Variants in FHOD1 observed in about 807,000 individuals in gnomAD.
FHOD1 encodes formin homology 2 domain containing 1, also known as FH1/FH2 domain-containing protein 1.
A neutral mutation model predicts 111.6 loss-of-function variants in FHOD1; 89 were observed. The ratio of observed to expected loss-of-function variants is 0.80; its 90% CI spans 0.67 to 0.95. FHOD1 has a LOEUF of 0.95. FHOD1 is among the 40% of genes least tolerant of loss of function. FHOD1 has a pLI of 0.00. For synonymous variants in FHOD1, 618 were observed against 639.0 expected (o/e 0.97, Z 0.50); for missense variants, 1,446 against 1,554.2 (o/e 0.93, Z 1.17).
Position 67,229,462 on chromosome 16 carries a change from GCACACACACACATACACACA to G in FHOD1, c.*154_*173del. On this transcript the variant is annotated 3_prime_UTR_variant, in exon 22 of 22. Coordinates refer to ENST00000258201, the MANE Select transcript of FHOD1 (RefSeq NM_013241.3). The stretch of plus-strand genomic sequence containing the variant: ...CACACACATGCACATGCATATGCAT[GCACACACACACATACACACA>G]CACTCACATGCATACACACACGGCT... The G allele has an allele frequency of 1.6e-6, 1 of 635,894 alleles. No individual in the cohort carries two copies. The highest frequency in any genetic ancestry group is 2.8e-6 in the Non-Finnish European group (1 of 352,766). The allele number at this position is 635,894 out of a possible 1,614,324, so 39.4% of individuals were successfully genotyped here. A position where few individuals can be genotyped will look rare whatever the true frequency, so the allele number is the denominator to read the frequency against.
intron 13 of FHOD1, 33 bp from the exon 14 acceptor site, chr16:67,232,227 G>C: frequency 6.2e-7 from 1 of 1,611,048 alleles, no homozygotes; most frequent in Non-Finnish European, 8.5e-7. Context: ...GTGTAAGACT[G>C]AGGAAGGGGG....
At position 67,230,328 on chromosome 16, in the gene FHOD1, G is replaced by A. The variant is rs1206941866; in HGVS notation, c.3037C>T (p.Arg1013Cys). Residue 1013 changes from arginine to cysteine, a missense_variant, in exon 19 of 22, where the codon CGC (arginine) becomes TGC (cysteine). Physicochemically the swap from Arg to Cys is radical, Grantham distance 180 (BLOSUM62 -3). This residue lies in a region of FHOD1 where 1,085 missense variants were observed against 1,108.8 expected (regional missense o/e 0.98). Coordinates refer to ENST00000258201, the MANE Select transcript of FHOD1 (RefSeq NM_013241.3). ...TYRERNKTRG[R>C]MITETEKFSG... ...AGGGCACCCACCTCGGTGATCATGCGTCCCCGGGTCTTGTTGCGCTCACGG... is the reference window on the plus strand; with the variant it reads ...AGGGCACCCACCTCGGTGATCATGCATCCCCGGGTCTTGTTGCGCTCACGG... 10 of 1,614,114 alleles carry A rather than the reference G, an allele frequency of 6.2e-6. No individual in the cohort carries two copies. The highest frequency in any genetic ancestry group is 2.2e-5 in the East Asian group (1 of 44,904).
chr16:67,244,024 G>T (rs2034740420), intron 1 of FHOD1, among the ~76,000 whole-genome samples: 1 of 152,196 alleles, frequency 6.6e-6, no homozygotes, highest in Non-Finnish European at 1.5e-5. Flanking sequence ...GCTAGAGTGG[G>T]TTGGGGTAGG....
At position 67,238,369 on chromosome 16, in the gene FHOD1, C is replaced by G. The variant is rs776717352; in HGVS notation, c.441+11G>C. ...CTACACACTTACCCCCAGCCCACTG[C>G]GGGGCCTCACCTGGAAGATCTGCTT... On this transcript the variant is annotated intron_variant, in intron 4 of 21. Transcript: ENST00000258201. The surrounding 1 kb of genome is among the most constrained non-coding windows in gnomAD (Gnocchi z 4.2). The G allele has an allele frequency of 1.9e-6, 3 of 1,613,918 alleles. No homozygotes were observed. The highest frequency in any genetic ancestry group is 2.5e-6 in the Non-Finnish European group (3 of 1,179,974).
In FHOD1 at chr16:67,237,068, G is replaced by T; in HGVS notation, c.1040C>A (p.Ala347Asp). The T allele has an allele frequency of 6.2e-7, 1 of 1,613,212 alleles. No individual in the cohort carries two copies. The highest frequency in any genetic ancestry group is 8.5e-7 in the Non-Finnish European group (1 of 1,179,736). The change falls in exon 10 of 22, where the codon GCT becomes GAT. Residue 347 changes from alanine (A) to aspartate (D), a missense_variant. Physicochemically the swap from Ala to Asp is moderately radical, Grantham distance 126. Transcript: ENST00000258201. The surrounding 1 kb of genome is among the most constrained non-coding windows in gnomAD (Gnocchi z 5.6). ...CTTTCGTCGTTCCCGCCGCCCACCA[G>T]CGCCTGGGGCTTCTTCGATGTCTCC... ...EDGDIEEAPG[A>D]GGRRERRKPS...
chr16:67,237,534 C>G lies in FHOD1; in HGVS notation c.790G>C (p.Glu264Gln). Residue 264 changes from glutamate (E) to glutamine (Q), a missense_variant, in exon 8 of 22, where the codon GAG (glutamate) becomes CAG (glutamine). Physicochemically the swap from Glu to Gln is conservative, Grantham distance 29. Around this residue, in one of 3 missense-constraint regions of FHOD1, gnomAD observed 234 missense variants for 327.4 expected, o/e 0.71. Coordinates refer to ENST00000258201, the MANE Select transcript of FHOD1 (RefSeq NM_013241.3). This position sits in a 1 kb window ranked among gnomAD's most constrained non-coding sequence, Gnocchi z 5.6. ...PPWANLVSIL[E>Q]EKNGADPELL... ...TCAGGGTCAGCGCCATTCTTCTCCT[C>G]CAGGATGGACACCAGATTGGCCCAG... 1 of 1,614,146 alleles carries G rather than the reference C, an allele frequency of 6.2e-7. No homozygotes were observed. Among genetic ancestry groups the G allele is most frequent in the East Asian group, 2.2e-5 (1 of 44,870 alleles).
chr16:67,237,603 A>G lies in FHOD1; in HGVS notation c.755-34T>C, dbSNP rs779550310. 6 of 1,612,884 alleles carry G rather than the reference A, an allele frequency of 3.7e-6. No individual in the cohort carries two copies. In the East Asian group the frequency reaches 1.3e-4, roughly 36 times the overall value. The stretch of plus-strand genomic sequence containing the variant: ...CAGAAAGTGGAGCAGTCATGGGGGA[A>G]CAGGTAGGAGAGAGGGCTCTGAGCG... On this transcript the variant is annotated intron_variant, in intron 7 of 21. Coordinates refer to ENST00000258201, the MANE Select transcript of FHOD1 (RefSeq NM_013241.3). The surrounding 1 kb of genome is among the most constrained non-coding windows in gnomAD (Gnocchi z 5.6).
Position 67,234,144 on chromosome 16 carries a change from A to T in FHOD1, c.1559T>A (p.Ile520Lys). The T allele has an allele frequency of 6.4e-7, 1 of 1,565,804 alleles. No individual in the cohort carries two copies. Among genetic ancestry groups the T allele is most frequent in the Non-Finnish European group, 8.7e-7 (1 of 1,153,378 alleles). ...SLAPEPKEPL[I>K]PASPKAEPIW... Reference sequence around the variant, plus strand: ...GGGCTCAGCCTTGGGGCTTGCTGGTATCAGTGGCTCCTTGGGCTCTGGTGC... The same window carrying T: ...GGGCTCAGCCTTGGGGCTTGCTGGTTTCAGTGGCTCCTTGGGCTCTGGTGC... The change falls in exon 13 of 22, where the codon ATA becomes AAA. Residue 520 changes from isoleucine to lysine, a missense_variant. Transcript: ENST00000258201.
Position 67,238,774 on chromosome 16 carries a change from A to G in FHOD1, c.373+129T>C. ...CACCATGGCCCTGGAAGAAGAGGTC[A>G]GGATAGGGAGAGGAAGGAGCACATA... On this transcript the variant is annotated intron_variant, in intron 3 of 21. Coordinates refer to ENST00000258201, the MANE Select transcript of FHOD1 (RefSeq NM_013241.3). The surrounding 1 kb of genome is among the most constrained non-coding windows in gnomAD (Gnocchi z 4.2). 2.3e-6 allele frequency: 2 copies of G among 870,298 alleles called. No individual in the cohort carries two copies. The highest frequency in any genetic ancestry group is 3.8e-6 in the Non-Finnish European group (2 of 524,504). 53.9% of individuals were successfully genotyped at this position (870,298 alleles called of 1,614,324 possible). A position where few individuals can be genotyped will look rare whatever the true frequency, so the allele number is the denominator to read the frequency against.
Position 67,234,025 on chromosome 16 carries a change from C to T in FHOD1, c.1678G>A (p.Val560Ile), listed in dbSNP as rs780166979. ...TCTTTCCCAGCCTCCACAGACTCTA[C>T]ATTCAGCATGTCCTGGTCTTCATCC... is the stretch of plus-strand genomic sequence containing the variant. ...GEDEDQDMLN[V>I]ESVEAGKDIP... The change falls in exon 13 of 22, where the codon GTA (valine) becomes ATA (isoleucine). Residue 560 changes from valine (V) to isoleucine (I), a missense_variant. By Grantham distance (29) the Val-to-Ile change is conservative. This residue lies in a region of FHOD1 where 1,085 missense variants were observed against 1,108.8 expected (regional missense o/e 0.98). Transcript: ENST00000258201. 1.2e-6 allele frequency: 2 copies of T among 1,613,804 alleles called. No individual in the cohort carries two copies. Among genetic ancestry groups the T allele is most frequent in the South Asian group, 1.1e-5 (1 of 91,074 alleles).
Position 67,247,393 on chromosome 16 carries a change from G to A in FHOD1, c.18C>T (p.Asp6=), listed in dbSNP as rs1366820265. 1.7e-5 allele frequency: 27 copies of A among 1,612,864 alleles called. No homozygotes were observed. Among genetic ancestry groups the A allele is most frequent in the Non-Finnish European group, 2.1e-5 (25 of 1,179,664 alleles). ...CTGATACCGGCTCTCCGTCCCCGCG[G>A]TCTTCCCCGCCCGCCATGGCTCTGC... The part of the protein sequence containing the change: MAGGE[D]RGDGEPVSVV... The change falls in exon 1 of 22, where the codon GAC becomes GAT. Residue 6 remains aspartate (D), a synonymous_variant. Transcript: ENST00000258201.
Position 67,238,465 on chromosome 16 carries a change from T to C in FHOD1, c.374-18A>G. 1 of 1,610,018 alleles carries C rather than the reference T, an allele frequency of 6.2e-7. No individual in the cohort carries two copies. Among genetic ancestry groups the C allele is most frequent in the Non-Finnish European group, 8.5e-7 (1 of 1,177,632 alleles). On this transcript the variant is annotated intron_variant, in intron 3 of 21. Transcript: ENST00000258201. This position sits in a 1 kb window ranked among gnomAD's most constrained non-coding sequence, Gnocchi z 4.2. ...CAGCTTTTCTGCAAAAGGTAGGGTA[T>C]AAAACCCTTGATGGACACAGACTCA...
intron 11 of FHOD1, 48 bp from the exon 12 acceptor site, chr16:67,234,520 A>G (rs761757292): frequency 6.7e-7 from 1 of 1,494,430 alleles, no homozygotes; most frequent in Non-Finnish European, 9.1e-7. Flanking sequence ...ACCCCAGCCC[A>G]GGTGTACATG....
Position 67,232,083 on chromosome 16 carries a change from G to A in FHOD1, c.2158C>T (p.Leu720=). 1 of 1,614,244 alleles carries A rather than the reference G, an allele frequency of 6.2e-7. No individual in the cohort carries two copies. The highest frequency in any genetic ancestry group is 8.5e-7 in the Non-Finnish European group (1 of 1,180,042). Residue 720 remains leucine (L), a synonymous_variant, in exon 14 of 22, where the codon CTG becomes TTG. Transcript: ENST00000258201. ...LPPVHVIKAA[L]LNFDEFAVSK... is the part of the protein sequence containing the mutation. ...ACAGCAAACTCATCAAAGTTGAGCA[G>A]AGCAGCCTTAATGACATGCACAGGT...
Position 67,231,942 on chromosome 16 carries a change from G to A in FHOD1, c.2202+97C>T, listed in dbSNP as rs2034293214. The A allele has an allele frequency of 6.4e-7, 1 of 1,555,514 alleles. No homozygotes were observed. The highest frequency in any genetic ancestry group is 8.7e-7 in the Non-Finnish European group (1 of 1,146,628). On this transcript the variant is annotated intron_variant, in intron 14 of 21. Coordinates refer to ENST00000258201, the MANE Select transcript of FHOD1 (RefSeq NM_013241.3). This position sits in a 1 kb window ranked among gnomAD's most constrained non-coding sequence, Gnocchi z 4.3. ...TGTCTGGGGACTGCCCTGCAGAAAT[G>A]CCAAGCCCATGCCCACCACCAGAGG...
In FHOD1 at chr16:67,237,938, A is replaced by T. The variant is rs1287715998; in HGVS notation, c.642+96T>A. Reference sequence around the variant, plus strand: ...CCTTATAGGCTTACAGAGGCCTCAGACTCACTCCCTTCCAGCTCACTTTGC... The same window carrying T: ...CCTTATAGGCTTACAGAGGCCTCAGTCTCACTCCCTTCCAGCTCACTTTGC... On this transcript the variant is annotated intron_variant, in intron 6 of 21. Transcript: ENST00000258201. This position sits in a 1 kb window ranked among gnomAD's most constrained non-coding sequence, Gnocchi z 5.6. 2 of 1,411,078 alleles carry T rather than the reference A, an allele frequency of 1.4e-6. No individual in the cohort carries two copies. Among genetic ancestry groups the T allele is most frequent in the Non-Finnish European group, 2.0e-6 (2 of 1,005,518 alleles). 87.4% of individuals were successfully genotyped at this position (1,411,078 alleles called of 1,614,324 possible). A position where few individuals can be genotyped will look rare whatever the true frequency, so the allele number is the denominator to read the frequency against.
Position 67,229,541 on chromosome 16 carries a change from G to A in FHOD1, c.*95C>T, listed in dbSNP as rs895789130. On this transcript the variant is annotated 3_prime_UTR_variant, in exon 22 of 22. Transcript: ENST00000258201. ...TCAAGGCATGGCTCCTGGGCACAGAGTTCTGGGGCCAGAATTCTGCTCTGG... is the reference window on the plus strand; with the variant it reads ...TCAAGGCATGGCTCCTGGGCACAGAATTCTGGGGCCAGAATTCTGCTCTGG... 1.4e-5 allele frequency: 16 copies of A among 1,134,580 alleles called. No individual in the cohort carries two copies. Among genetic ancestry groups the A allele is most frequent in the Non-Finnish European group, 1.9e-5 (14 of 746,396 alleles). The allele number at this position is 1,134,580 out of a possible 1,614,324, so 70.3% of individuals were successfully genotyped here. A position where few individuals can be genotyped will look rare whatever the true frequency, so the allele number is the denominator to read the frequency against.
chr16:67,236,428 G>A (rs2034477889), intron 11 of FHOD1, 129 bp downstream of exon 11: 2 of 1,490,618 alleles, frequency 1.3e-6, no homozygotes, highest in Non-Finnish European at 1.8e-6. Context: ...AAGCAGTTTG[G>A]TGAAGTCTGG....
intron 1 of FHOD1, 120 bp downstream of exon 1, chr16:67,247,090 C>A: frequency 1.6e-6 from 2 of 1,226,844 alleles, no homozygotes; most frequent in African/African-American, 3.1e-5. Context: ...GACCCCAGCC[C>A]AAGACTTTTC....
Sources: allele counts gnomAD v4.1 joint callset (sites outside exome capture counted in the v4.1 genomes callset), GRCh38; gene constraint gnomAD v4.1.1; regional missense constraint gnomAD v4.1.1; non-coding constraint Gnocchi (gnomAD v3.1); transcripts MANE v1.5; gene names NCBI Gene and HGNC (gene_info 2026-07-23, HGNC 2026-07-21).